Variants in ANO4 observed in about 807,000 individuals in gnomAD.
ANO4 encodes the protein anoctamin-4.
A neutral mutation model predicts 141.9 loss-of-function variants in ANO4; 69 were observed. That is an observed-to-expected ratio of 0.49 (90% CI 0.40 to 0.59). The LOEUF is 0.59. Among genes scored for constraint, ANO4 ranks in the 20% least tolerant of loss-of-function variants. The pLI is 0.00. For missense variants in ANO4, 894 were observed against 1,162.2 expected, an observed-to-expected ratio of 0.77 and a Z score of 3.36; for synonymous variants, 350 against 394.3, an observed-to-expected ratio of 0.89 and a Z score of 1.33.
At chr12:101,043,786 C>T in intron 13 of ANO4, 151 bp downstream of exon 13, 1 of 628,998 alleles carries the variant, frequency 1.6e-6, no homozygotes, top group African/African-American at 1.8e-5. Flanking sequence ...TATTCTAATT[C>T]CCATATCTTT....
intron 1 of ANO4, among the ~76,000 whole-genome samples, chr12:100,724,795 G>T (rs985903715): frequency 6.6e-6 from 1 of 152,194 alleles, no homozygotes; most frequent in Non-Finnish European, 1.5e-5. Context: ...AGATTACCCA[G>T]CTAGGAGGAA....
At chr12:101,011,921 A>C (rs1409513807) in intron 8 of ANO4, among the ~76,000 whole-genome samples, 2 of 152,010 alleles carry the variant, frequency 1.3e-5, no homozygotes, top group Non-Finnish European at 2.9e-5. Flanking sequence ...AACCATGCAG[A>C]TTTTCATACC....
chr12:100,749,085 T>C (rs1422178591), intron 3 of ANO4, among the ~76,000 whole-genome samples: 2 of 152,160 alleles, frequency 1.3e-5, no homozygotes, highest in Non-Finnish European at 2.9e-5. Context: ...GAGTTGAGGC[T>C]ATTCAGGTGA....
At chr12:100,958,240 A>C (rs752239387) in intron 5 of ANO4, among the ~76,000 whole-genome samples, 1 of 152,218 alleles carries the variant, frequency 6.6e-6, no homozygotes, top group Non-Finnish European at 1.5e-5. Flanking sequence ...TCATGACCGC[A>C]GTCTCACACA....
intron 7 of ANO4, among the ~76,000 whole-genome samples, chr12:100,985,455 A>T (rs539685374): frequency 8.1e-4 from 123 of 152,294 alleles, no homozygotes; most frequent in African/African-American, 2.8e-3. Context: ...TATCATTATC[A>T]TGCCCATTTT....
rs1402794082 is a variant in ANO4 at position 100,806,523 on chromosome 12, C to T, written c.-141+11496C>T. ...TTTTTAGGAGGTTTTTTTTTTGTTT[C>T]GTTTTTTTTTTTTTTTTTTTTTTTT... is the stretch of plus-strand genomic sequence containing the variant. On this transcript the variant is annotated intron_variant, in intron 1 of 27. Coordinates refer to ENST00000392977, the MANE Select transcript of ANO4 (RefSeq NM_001286615.2). 1.9e-3 allele frequency among the ~76,000 whole-genome samples: 84 copies of T among 44,936 alleles called. 4 individuals are homozygous for T. Among genetic ancestry groups the T allele is most frequent in the South Asian group, 3.8e-3 (4 of 1,050 alleles). The allele number at this position is 44,936 out of a possible 152,430, so 29.5% of individuals were successfully genotyped here.
chr12:100,896,736 G>A (rs2040371717), intron 1 of ANO4, among the ~76,000 whole-genome samples: 1 of 152,178 alleles, frequency 6.6e-6, no homozygotes, highest in Non-Finnish European at 1.5e-5. Flanking sequence ...GAAAACGAAA[G>A]CCAAAGCAAG....
chr12:101,106,145 G>A (rs899563185), intron 22 of ANO4, among the ~76,000 whole-genome samples: 4 of 152,016 alleles, frequency 2.6e-5, no homozygotes, highest in African/African-American at 9.7e-5. Flanking sequence ...TTGACTTAGC[G>A]TAAGACAGTA....
chr12:101,100,009 C>T (rs1247513668), intron 22 of ANO4, among the ~76,000 whole-genome samples: 5 of 152,124 alleles, frequency 3.3e-5, no homozygotes, highest in Non-Finnish European at 5.9e-5. Flanking sequence ...AACGGTGAAA[C>T]TTTGGGCAAT....
chr12:101,068,436 C>T (rs2048682000), intron 14 of ANO4: 1 of 905,936 alleles, frequency 1.1e-6, no homozygotes, highest in Admixed American at 1.7e-5. Flanking sequence ...TTTAAGAAGA[C>T]TGTGTCCTCC....
chr12:100,818,231 A>G (rs2035841924), intron 1 of ANO4, among the ~76,000 whole-genome samples: 2 of 151,986 alleles, frequency 1.3e-5, no homozygotes, highest in African/African-American at 4.8e-5. Flanking sequence ...AATGAGCACA[A>G]GTAATTCTTG....
At chr12:100,785,016 C>G (rs1357389306) in intron 3 of ANO4, among the ~76,000 whole-genome samples, 2 of 151,890 alleles carry the variant, frequency 1.3e-5, no homozygotes, top group Non-Finnish European at 2.9e-5. Flanking sequence ...GAGGTATCTA[C>G]TTCGTAAGAC....
rs1215517275 is a variant in ANO4 at position 100,971,423 on chromosome 12, T to A, written c.557+17T>A. 3 of 1,494,586 alleles carry A rather than the reference T, an allele frequency of 2.0e-6. No homozygotes were observed. In the Admixed American group the frequency reaches 5.0e-5, roughly 25 times the overall value. 92.6% of individuals were successfully genotyped at this position (1,494,586 alleles called of 1,614,324 possible). Reference sequence around the variant, plus strand: ...GCCTTTCAGGTAGGTGGAAATGTATTTTATTCCACTCTCTCTGCTGCTTCA... The same window carrying A: ...GCCTTTCAGGTAGGTGGAAATGTATATTATTCCACTCTCTCTGCTGCTTCA... On this transcript the variant is annotated intron_variant, in intron 6 of 27. Coordinates refer to ENST00000392977, the MANE Select transcript of ANO4 (RefSeq NM_001286615.2).
intron 1 of ANO4, among the ~76,000 whole-genome samples, chr12:100,889,531 CA>C (rs1466413402): frequency 6.6e-6 from 1 of 152,072 alleles, no homozygotes; most frequent in Non-Finnish European, 1.5e-5. Flanking sequence ...ACAATGAACT[CA>C]AACAAATTTA....
At chr12:100,971,275 T>A in intron 5 of ANO4, 31 bp from the exon 6 acceptor site, 1 of 1,505,830 alleles carries the variant, frequency 6.6e-7, no homozygotes. Context: ...TTGAATATAC[T>A]TTTCAATTTA....
chr12:101,083,423 G>A (rs558903290), intron 15 of ANO4, among the ~76,000 whole-genome samples: 4 of 152,200 alleles, frequency 2.6e-5, no homozygotes, highest in South Asian at 2.1e-4. Flanking sequence ...AGTTTTATAA[G>A]ATAACAGATA....
chr12:100,875,306 G>A (rs1032567973), intron 1 of ANO4, among the ~76,000 whole-genome samples: 4 of 152,018 alleles, frequency 2.6e-5, no homozygotes, highest in African/African-American at 4.8e-5. Flanking sequence ...AGTGAAACCC[G>A]GGGTACACCA....
rs543347495 is a variant in ANO4, at chr12:101,044,988, C to A, written c.1251+1353C>A. Reference sequence around the variant, plus strand: ...TCTGCTTCTGGGGAAACCCCAAAATCAGAAGCCAATTTTTTTTTTTAATGT... The same window carrying A: ...TCTGCTTCTGGGGAAACCCCAAAATAAGAAGCCAATTTTTTTTTTTAATGT... On this transcript the variant is annotated intron_variant, in intron 13 of 27. Transcript: ENST00000392977. Among the ~76,000 whole-genome samples, 24 of 135,106 alleles carry A rather than the reference C, an allele frequency of 1.8e-4. No homozygotes were observed. The South Asian group carries it at 5.4e-3, about 30-fold the overall frequency. 88.6% of individuals were successfully genotyped at this position (135,106 alleles called of 152,430 possible). A position where few individuals can be genotyped will look rare whatever the true frequency, so the allele number is the denominator to read the frequency against.
In ANO4 at chr12:100,935,585, A is replaced by G. The variant is rs574955563; in HGVS notation, c.161-3730A>G. ...GGAAGGTGATGGGATTCATTCACAA[A>G]TGACCCTGTTTGGATGAACAGCATC... On this transcript the variant is annotated intron_variant, in intron 3 of 27. Transcript: ENST00000392977. Among the ~76,000 whole-genome samples, 13 of 152,284 alleles carry G rather than the reference A, an allele frequency of 8.5e-5. 1 individual carries two copies. The South Asian group carries it at 2.7e-3, about 32-fold the overall frequency.
Sources: gnomAD v4.1 joint callset for allele counts (sites outside exome capture counted in the v4.1 genomes callset) on GRCh38, gnomAD v4.1.1 for gene constraint, MANE v1.5 for transcripts, NCBI Gene and HGNC (gene_info 2026-07-23, HGNC 2026-07-21) for gene names.